Variants in TMEM135 observed in about 807,000 individuals in gnomAD.
TMEM135 encodes the protein peroxisomal membrane protein 52.
Under a neutral mutation model 60.3 loss-of-function variants are expected in TMEM135, and 30 were observed. The observed-to-expected ratio is 0.50, with a 90% CI of 0.37 to 0.68. The LOEUF (loss-of-function observed/expected upper bound fraction) is 0.68, where lower values mean the gene tolerates loss of function less well. TMEM135 is among the 30% of genes least tolerant of loss of function. The pLI is 0.00. For synonymous variants in TMEM135, 190 were observed against 186.7 expected, an observed-to-expected ratio of 1.02 and a Z score of -0.14; for missense variants, 468 against 548.8, an observed-to-expected ratio of 0.85 and a Z score of 1.47.
chr11:87,267,988 G>A (rs1350466824), intron 6 of TMEM135, among the ~76,000 whole-genome samples: 1 of 151,718 alleles, frequency 6.6e-6, no homozygotes, highest in Non-Finnish European at 1.5e-5. Context: ...CACCACGCCC[G>A]GCCATGATCA....
chr11:87,307,130 C>A (rs1329450417), intron 9 of TMEM135, among the ~76,000 whole-genome samples: 4 of 152,086 alleles, frequency 2.6e-5, no homozygotes. Context: ...CAGAGTTGTG[C>A]AGCACCCCAA....
intron 4 of TMEM135, among the ~76,000 whole-genome samples, chr11:87,126,599 T>TAC (rs1937738359): frequency 2.6e-5 from 4 of 151,268 alleles, no homozygotes; most frequent in Admixed American, 1.3e-4. Flanking sequence ...CTTTTTAAAA[T>TAC]ATATATATAT....
chr11:87,227,026 G>A (rs532840056), intron 5 of TMEM135, among the ~76,000 whole-genome samples: 2 of 152,224 alleles, frequency 1.3e-5, no homozygotes, highest in Admixed American at 1.3e-4. Context: ...TCCAGCCTGG[G>A]CAATAGAGTG....
At chr11:87,090,827 T>C (rs1857189525) in intron 3 of TMEM135, among the ~76,000 whole-genome samples, 1 of 152,140 alleles carries the variant, frequency 6.6e-6, no homozygotes, top group Non-Finnish European at 1.5e-5. Flanking sequence ...GAAAGTTCCC[T>C]TAGTGCCTGA....
chr11:87,279,622 T>C (rs1591164456), intron 6 of TMEM135, among the ~76,000 whole-genome samples: 2 of 152,214 alleles, frequency 1.3e-5, no homozygotes, highest in East Asian at 1.9e-4. Context: ...TGCTTAATAA[T>C]TGCTTGTTGA....
chr11:87,248,558 A>C (rs1244697785), intron 6 of TMEM135, among the ~76,000 whole-genome samples: 1 of 152,100 alleles, frequency 6.6e-6, no homozygotes, highest in Non-Finnish European at 1.5e-5. Context: ...TGATTCTTCC[A>C]ATTTTGTTCT....
rs1022413381 is a variant in TMEM135 at position 87,175,351 on chromosome 11, C to T, written c.462+17945C>T. On this transcript the variant is annotated intron_variant, in intron 5 of 14. Coordinates refer to ENST00000305494, the MANE Select transcript of TMEM135 (RefSeq NM_022918.4). ...ACTGTGTTATATGCATTATTGCATACTCCTGATGAACAAACAGTTTATTTT... is the reference window on the plus strand; with the variant it reads ...ACTGTGTTATATGCATTATTGCATATTCCTGATGAACAAACAGTTTATTTT... Among the ~76,000 whole-genome samples the T allele has an allele frequency of 2.0e-5, 3 of 148,932 alleles. No individual in the cohort carries two copies. In the East Asian group the frequency reaches 5.8e-4, roughly 29 times the overall value.
chr11:87,156,563 A>C (rs907578469), intron 4 of TMEM135, among the ~76,000 whole-genome samples: 8 of 152,030 alleles, frequency 5.3e-5, no homozygotes, highest in Non-Finnish European at 8.8e-5. Context: ...TCAGATTACA[A>C]GTCTTTCACT....
intron 4 of TMEM135, among the ~76,000 whole-genome samples, chr11:87,109,493 T>A (rs1365725586): frequency 6.6e-6 from 1 of 152,176 alleles, no homozygotes; most frequent in Non-Finnish European, 1.5e-5. Context: ...CTTCTTGTAG[T>A]GTTGTGAGAT....
At chr11:87,059,073 G>T (rs964169004) in intron 1 of TMEM135, among the ~76,000 whole-genome samples, 2 of 151,926 alleles carry the variant, frequency 1.3e-5, no homozygotes, top group African/African-American at 2.4e-5. Flanking sequence ...AAGTAGCTGG[G>T]ATTACAGGCA....
At chr11:87,202,889 T>G (rs557000949) in intron 5 of TMEM135, among the ~76,000 whole-genome samples, 1 of 151,242 alleles carries the variant, frequency 6.6e-6, no homozygotes, top group African/African-American at 2.4e-5. Context: ...AAAAATTAGC[T>G]GGGCGTGGTG....
chr11:87,303,665 A>G (rs184765619), intron 8 of TMEM135, among the ~76,000 whole-genome samples: 1 of 152,344 alleles, frequency 6.6e-6, no homozygotes, highest in Non-Finnish European at 1.5e-5. Flanking sequence ...ATTTTTATTG[A>G]ATTTAAAGAT....
At chr11:87,133,049 C>G (rs945791859) in intron 4 of TMEM135, among the ~76,000 whole-genome samples, 32 of 152,144 alleles carry the variant, frequency 2.1e-4, no homozygotes, top group African/African-American at 7.2e-4. Flanking sequence ...CTAACTGGTA[C>G]ATAGCATCTA....
At chr11:87,163,500 G>C (rs1379372071) in intron 5 of TMEM135, among the ~76,000 whole-genome samples, 2 of 151,706 alleles carry the variant, frequency 1.3e-5, no homozygotes, top group Non-Finnish European at 2.9e-5. Context: ...ATAAACATAA[G>C]TGTGCATGTG....
intron 5 of TMEM135, among the ~76,000 whole-genome samples, chr11:87,171,574 A>C (rs997811617): frequency 1.2e-4 from 19 of 152,166 alleles, no homozygotes; most frequent in African/African-American, 4.6e-4. Context: ...ATGTCAGTAG[A>C]CTTTACTAGC....
chr11:87,267,881 G>A (rs866568450), intron 6 of TMEM135, among the ~76,000 whole-genome samples: 2 of 151,940 alleles, frequency 1.3e-5, no homozygotes, highest in African/African-American at 4.8e-5. Flanking sequence ...TAGTAGAGAC[G>A]GGGTTTCACC....
intron 1 of TMEM135, among the ~76,000 whole-genome samples, chr11:87,043,759 C>A (rs999175764): frequency 2.0e-5 from 3 of 151,884 alleles, no homozygotes; most frequent in Non-Finnish European, 2.9e-5. Flanking sequence ...AACTGTTTAA[C>A]CCCTAGACTA....
At chr11:87,063,562 G>A (rs1565425775) in intron 1 of TMEM135, among the ~76,000 whole-genome samples, 1 of 152,200 alleles carries the variant, frequency 6.6e-6, no homozygotes, top group Non-Finnish European at 1.5e-5. Context: ...TTTTCATGCT[G>A]TAGTGTGCTG....
chr11:87,044,950 A>T (rs891434841), intron 1 of TMEM135, among the ~76,000 whole-genome samples: 4 of 149,960 alleles, frequency 2.7e-5, no homozygotes, highest in Non-Finnish European at 5.9e-5. Flanking sequence ...CCCGGCCGTC[A>T]TGTGGTCTTT....
Sources: allele counts gnomAD v4.1 joint callset (sites outside exome capture counted in the v4.1 genomes callset), GRCh38; gene constraint gnomAD v4.1.1; transcripts MANE v1.5; gene names NCBI Gene and HGNC (gene_info 2026-07-23, HGNC 2026-07-21).